Variants in CLSTN2 observed in about 807,000 individuals in gnomAD.
CLSTN2 encodes calsyntenin-2.
A neutral mutation model predicts 101.2 loss-of-function variants in CLSTN2; 48 were observed. The observed-to-expected ratio is 0.47, with a 90% CI of 0.38 to 0.60. The LOEUF (loss-of-function observed/expected upper bound fraction) is 0.60. Among genes scored for constraint, CLSTN2 ranks in the 20% least tolerant of loss-of-function variants. The pLI is 0.00. For missense variants in CLSTN2, 1,160 were observed against 1,238.2 expected, an observed-to-expected ratio of 0.94 and a Z score of 0.95; for synonymous variants, 481 against 463.6, an observed-to-expected ratio of 1.04 and a Z score of -0.48.
rs1186726070 is a variant in CLSTN2 at position 140,179,743 on chromosome 3, T to C, written c.232+3670T>C. Among the ~76,000 whole-genome samples, 2 of 152,060 alleles carry C rather than the reference T, an allele frequency of 1.3e-5. 1 individual carries two copies. Among genetic ancestry groups the C allele is most frequent in the Admixed American group, 1.3e-4 (2 of 15,248 alleles). ...TTTATTACATATTTTTCTGAAACTT[T>C]TTAAATGACTACATGATTTCCTATT... On this transcript the variant is annotated intron_variant, in intron 2 of 16. Coordinates refer to ENST00000458420, the MANE Select transcript of CLSTN2 (RefSeq NM_022131.3).
At chr3:140,116,928 A>G (rs2009253253) in intron 1 of CLSTN2, among the ~76,000 whole-genome samples, 1 of 152,076 alleles carries the variant, frequency 6.6e-6, no homozygotes, top group Non-Finnish European at 1.5e-5. Context: ...TCCAGAATGT[A>G]CCATTTTACC....
In CLSTN2 at chr3:140,404,783, G is replaced by A. The variant is rs1188279187; in HGVS notation, c.637+17G>A. 6.2e-7 allele frequency: 1 copy of A among 1,610,626 alleles called. No homozygotes were observed. Among genetic ancestry groups the A allele is most frequent in the Non-Finnish European group, 8.5e-7 (1 of 1,176,956 alleles). On this transcript the variant is annotated intron_variant, in intron 4 of 16. Transcript: ENST00000458420. ...ACAGAAATGGTGAGTGACCTCAGAG[G>A]ACCCCTGTGGGGTCAGGAAAACAAA... is the stretch of plus-strand genomic sequence containing the variant.
rs3057900 is a variant in CLSTN2 at position 140,528,636 on chromosome 3, C to CAAAAAAAAAA, written c.1345-3680_1345-3679insAAAAAAAAAA. On this transcript the variant is annotated intron_variant, in intron 8 of 16. Coordinates refer to ENST00000458420, the MANE Select transcript of CLSTN2 (RefSeq NM_022131.3). ...ATGTCCCCAAACCTAGTGCCTCTGA[C>CAAAAAAAAAA]AAAAAAAAGATGAATGAATAGAGGA... Among the ~76,000 whole-genome samples, 307 of 148,950 alleles carry CAAAAAAAAAA rather than the reference C, an allele frequency of 2.1e-3. 6 individuals carry two copies. The highest frequency in any genetic ancestry group is 8.7e-3 in the East Asian group (44 of 5,052).
At chr3:140,015,094 G>A (rs1576397440) in intron 1 of CLSTN2, among the ~76,000 whole-genome samples, 2 of 152,288 alleles carry the variant, frequency 1.3e-5, no homozygotes, top group African/African-American at 4.8e-5. Context: ...AGTCCCATAG[G>A]GGTGGTTTGG....
chr3:140,494,015 G>T (rs1934401880), intron 8 of CLSTN2, among the ~76,000 whole-genome samples: 1 of 152,000 alleles, frequency 6.6e-6, no homozygotes, highest in Admixed American at 6.6e-5. Context: ...CCCACAGAAG[G>T]ATTTCTATCT....
rs1985742317 is a variant in CLSTN2, at chr3:140,576,750, C to G, written c.*10497C>G. 6.6e-6 allele frequency: 1 copy of G among 152,232 alleles called. No individual in the cohort carries two copies. The highest frequency in any genetic ancestry group is 1.5e-5 in the Non-Finnish European group (1 of 68,052). The allele number at this position is 152,232 out of a possible 1,614,324, so 9.4% of individuals were successfully genotyped here. On this transcript the variant is annotated 3_prime_UTR_variant, in exon 17 of 17. Coordinates refer to ENST00000458420, the MANE Select transcript of CLSTN2 (RefSeq NM_022131.3). ...TGTCTCCCACAGTGGATGGCTTTGC[C>G]TCCAGCGGTGGACCAGTGTGTACCT...
At chr3:140,093,345 C>G (rs1361556990) in intron 1 of CLSTN2, among the ~76,000 whole-genome samples, 1 of 152,200 alleles carries the variant, frequency 6.6e-6, no homozygotes, top group East Asian at 1.9e-4. Flanking sequence ...ATGATCTGTA[C>G]CCGCCATGGC....
In CLSTN2 at chr3:140,351,792, G is replaced by GTTT. The variant is rs398062856; in HGVS notation, c.233-51827_233-51825dup. On this transcript the variant is annotated intron_variant, in intron 2 of 16. Coordinates refer to ENST00000458420, the MANE Select transcript of CLSTN2 (RefSeq NM_022131.3). ...AAAACTTATATTCAGGTTTTGTTTT[G>GTTT]TTTTTTTTTTTTCTTAATAGGCTTA... 4.7e-3 allele frequency among the ~76,000 whole-genome samples: 687 copies of GTTT among 147,006 alleles called. 4 individuals are homozygous for GTTT. The highest frequency in any genetic ancestry group is 0.011 in the African/African-American group (437 of 40,310).
chr3:140,235,012 A>G (rs942828133), intron 2 of CLSTN2, among the ~76,000 whole-genome samples: 1 of 152,280 alleles, frequency 6.6e-6, no homozygotes, highest in Non-Finnish European at 1.5e-5. Flanking sequence ...TGGATATGAG[A>G]CTTATCTCCT....
intron 4 of CLSTN2, 123 bp from the exon 5 acceptor site, chr3:140,421,002 A>G: frequency 9.7e-7 from 1 of 1,027,208 alleles, no homozygotes; most frequent in South Asian, 1.6e-5. Flanking sequence ...TTGTTTTTAC[A>G]AAGAGATAAG....
At position 140,463,144 on chromosome 3, in the gene CLSTN2, C is replaced by A. The variant is rs1559876993; in HGVS notation, c.1222+3375C>A. Among the ~76,000 whole-genome samples, 4 of 152,204 alleles carry A rather than the reference C, an allele frequency of 2.6e-5. 1 individual carries two copies. The South Asian group carries it at 8.3e-4, about 32-fold the overall frequency. ...CATGAACAGTGCACTTTCCAGTCAC[C>A]TTCCATGATTCCTCCTCAGCCCCTG... On this transcript the variant is annotated intron_variant, in intron 7 of 16. Coordinates refer to ENST00000458420, the MANE Select transcript of CLSTN2 (RefSeq NM_022131.3).
intron 9 of CLSTN2, among the ~76,000 whole-genome samples, chr3:140,537,930 C>T (rs1171207356): frequency 1.3e-5 from 2 of 152,150 alleles, no homozygotes; most frequent in African/African-American, 2.4e-5. Flanking sequence ...TAAGGGAGCC[C>T]TGGGGTTTCC....
rs144740358 is a variant in CLSTN2 at position 140,444,370 on chromosome 3, C to T, written c.788-4149C>T. ...TCTTGAACCCAAGAGGTGGAGGTTA[C>T]GGTGGGCTGAGATTGTGCCATTGCA... is the stretch of plus-strand genomic sequence containing the variant. On this transcript the variant is annotated intron_variant, in intron 5 of 16. Coordinates refer to ENST00000458420, the MANE Select transcript of CLSTN2 (RefSeq NM_022131.3). 2.3e-4 allele frequency among the ~76,000 whole-genome samples: 35 copies of T among 151,280 alleles called. No homozygotes were observed. The East Asian group carries it at 6.2e-3, about 27-fold the overall frequency.
chr3:140,305,842 T>C (rs1240261051), intron 2 of CLSTN2, among the ~76,000 whole-genome samples: 2 of 152,042 alleles, frequency 1.3e-5, no homozygotes, highest in African/African-American at 4.8e-5. Context: ...GTGCACAAAA[T>C]GAAGCCTGGC....
At chr3:140,044,775 C>G (rs1221954361) in intron 1 of CLSTN2, among the ~76,000 whole-genome samples, 6 of 152,156 alleles carry the variant, frequency 3.9e-5, no homozygotes. Context: ...TTTTCTGCAT[C>G]TATTGAGATA....
intron 1 of CLSTN2, among the ~76,000 whole-genome samples, chr3:140,083,161 TTTTTTGCTG>T (rs1437966514): frequency 1.3e-5 from 2 of 150,084 alleles, no homozygotes; most frequent in Non-Finnish European, 2.9e-5. Flanking sequence ...ATTTATTACG[TTTTTTGCTG>T]ATTTGTTTGT....
At chr3:139,983,887 T>C (rs960446582) in intron 1 of CLSTN2, among the ~76,000 whole-genome samples, 3 of 152,184 alleles carry the variant, frequency 2.0e-5, no homozygotes, top group Non-Finnish European at 4.4e-5. Context: ...TAAAACCCAG[T>C]AGTCTAATGC....
chr3:140,186,351 T>A (rs1167576046), intron 2 of CLSTN2, among the ~76,000 whole-genome samples: 1 of 152,200 alleles, frequency 6.6e-6, no homozygotes, highest in East Asian at 1.9e-4. Context: ...ACCACAAATA[T>A]TAATTATGAA....
intron 2 of CLSTN2, among the ~76,000 whole-genome samples, chr3:140,299,445 C>T (rs1576505120): frequency 6.6e-6 from 1 of 152,308 alleles, no homozygotes; most frequent in East Asian, 1.9e-4. Context: ...CTGTATGTAT[C>T]TACATGCATA....
Sources: gnomAD v4.1 joint callset for allele counts (sites outside exome capture counted in the v4.1 genomes callset) on GRCh38, gnomAD v4.1.1 for gene constraint, MANE v1.5 for transcripts, NCBI Gene and HGNC (gene_info 2026-07-23, HGNC 2026-07-21) for gene names.